RNF157: variants seen among roughly 807,000 people sequenced by gnomAD.
RNF157 encodes E3 ubiquitin ligase RNF157.
RNF157 carries 55 observed loss-of-function variants against 88.3 expected under a neutral mutation model. That is an observed-to-expected ratio of 0.62 (90% confidence interval 0.50 to 0.78). RNF157 has a LOEUF of 0.78. RNF157 is among the 30% of genes least tolerant of loss of function. The pLI, the probability that RNF157 is intolerant of heterozygous loss-of-function variation, is 0.00. For synonymous variants in RNF157, 334 were observed against 341.2 expected (o/e 0.98, Z 0.23); for missense variants, 788 against 860.8 (o/e 0.92, Z 1.06).
rs947840506 is a variant in RNF157, at chr17:76,158,633, T to C, written c.1305-132A>G. 2.3e-5 allele frequency: 15 copies of C among 640,448 alleles called. No individual in the cohort carries two copies. In the South Asian group the frequency reaches 2.4e-4, roughly 10 times the overall value. The allele number at this position is 640,448 out of a possible 1,614,324, so 39.7% of individuals were successfully genotyped here. A position where few individuals can be genotyped will look rare whatever the true frequency, so the allele number is the denominator to read the frequency against. On this transcript the variant is annotated intron_variant, in intron 12 of 18. Transcript: ENST00000269391. ...TTTTTTGAGACAGCATCTCATTATG[T>C]TTCCCAGGCTGGGCTGGGACTCCTG...
At chr17:76,201,323 CAAAA>C (rs780243656) in intron 2 of RNF157, among the ~76,000 whole-genome samples, 6 of 59,664 alleles carry the variant, frequency 1.0e-4, no homozygotes, top group African/African-American at 2.2e-4. Flanking sequence ...CTAGTCTCTA[CAAAA>C]AAAAAAAAAA....
intron 2 of RNF157, among the ~76,000 whole-genome samples, chr17:76,204,804 A>T (rs1281854078): frequency 1.4e-5 from 2 of 143,854 alleles, no homozygotes; most frequent in Admixed American, 7.0e-5. Flanking sequence ...TTTGAGACTG[A>T]GTCTCACTCT....
In RNF157 at chr17:76,157,286, C is replaced by T. The variant is rs1178425895; in HGVS notation, c.1414-965G>A. Among the ~76,000 whole-genome samples, 3 of 152,222 alleles carry T rather than the reference C, an allele frequency of 2.0e-5. No individual in the cohort carries two copies. The highest frequency in any genetic ancestry group is 2.0e-4 in the Admixed American group (3 of 15,286). The stretch of plus-strand genomic sequence containing the variant: ...CGGCCAGTCACACAGTCCTTCTTGC[C>T]TGGGCTACTGAAACCCTCTCCTGGC... On this transcript the variant is annotated intron_variant, in intron 13 of 18. Coordinates refer to ENST00000269391, the MANE Select transcript of RNF157 (RefSeq NM_052916.3). The surrounding 1 kb of genome is among the most constrained non-coding windows in gnomAD (Gnocchi z 5.6).
Position 76,167,760 on chromosome 17 carries a change from T to G in RNF157, c.334A>C (p.Ser112Arg). 4 of 1,614,192 alleles carry G rather than the reference T, an allele frequency of 2.5e-6. No homozygotes were observed. The highest frequency in any genetic ancestry group is 3.4e-6 in the Non-Finnish European group (4 of 1,179,990). Residue 112 changes from serine (S) to arginine (R), a missense_variant, in exon 4 of 19, where the codon AGT becomes CGT. Transcript: ENST00000269391. ...ACATTGTAGTGGACTTTAGCTTTACTGGCCTCTTCTCCAGGGCTCTTCACT... is the reference window on the plus strand; with the variant it reads ...ACATTGTAGTGGACTTTAGCTTTACGGGCCTCTTCTCCAGGGCTCTTCACT... ...EEVKSPGEEA[S>R]KAKVHYNVEF...
intron 2 of RNF157, among the ~76,000 whole-genome samples, chr17:76,205,084 G>A (rs1240812908): frequency 6.6e-6 from 1 of 150,782 alleles, no homozygotes; most frequent in Non-Finnish European, 1.5e-5. Flanking sequence ...ACCATGCCCA[G>A]TCTCCTTCCT....
intron 2 of RNF157, among the ~76,000 whole-genome samples, chr17:76,181,418 C>CA (rs1361580396): frequency 6.6e-6 from 1 of 152,120 alleles, no homozygotes; most frequent in Non-Finnish European, 1.5e-5. Context: ...CACAGTATGA[C>CA]AAAATCTTTG....
rs183159664 is a variant in RNF157 at position 76,185,867 on chromosome 17, A to G, written c.208-12077T>C. 2.1e-3 allele frequency among the ~76,000 whole-genome samples: 319 copies of G among 152,280 alleles called. 1 individual carries two copies. The highest frequency in any genetic ancestry group is 7.1e-3 in the African/African-American group (294 of 41,556). On this transcript the variant is annotated intron_variant, in intron 2 of 18. Transcript: ENST00000269391. ...TAAACCAGCTCACAAATTAGAATAC[A>G]CTTTTAAGCAGCAGGTTTTGAGATG...
At chr17:76,166,597 G>T in intron 5 of RNF157, 70 bp from the exon 6 acceptor site, 1 of 1,232,996 alleles carries the variant, frequency 8.1e-7, no homozygotes, top group Non-Finnish European at 1.2e-6. Context: ...GCTAATCTCA[G>T]AAAGGGCGAT....
intron 1 of RNF157, among the ~76,000 whole-genome samples, chr17:76,233,456 C>T (rs955377631): frequency 4.6e-5 from 7 of 152,154 alleles, no homozygotes; most frequent in African/African-American, 1.2e-4. Context: ...AAGAACTCTT[C>T]GCCCAATCCA....
rs2069467339 is a variant in RNF157 at position 76,195,741 on chromosome 17, C to T, written c.207+16623G>A. On this transcript the variant is annotated intron_variant, in intron 2 of 18. Coordinates refer to ENST00000269391, the MANE Select transcript of RNF157 (RefSeq NM_052916.3). The surrounding 1 kb of genome is among the most constrained non-coding windows in gnomAD (Gnocchi z 4.4). The stretch of plus-strand genomic sequence containing the variant: ...TAGTTTGTTCCTTCTCGTTGCTGTA[C>T]GCCATTGAGGTAGGATGTAGGACTT... Among the ~76,000 whole-genome samples the T allele has an allele frequency of 6.6e-6, 1 of 152,146 alleles. No homozygotes were observed. The highest frequency in any genetic ancestry group is 2.4e-5 in the African/African-American group (1 of 41,414).
chr17:76,144,232 GT>G lies in RNF157; in HGVS notation c.*1002del, dbSNP rs2068551880. ...TCTTGAAATGTCACCTTAGGATGGA[GT>G]TGCAGGCCTCCCTGAATGCACCTGA... On this transcript the variant is annotated 3_prime_UTR_variant, in exon 19 of 19. Coordinates refer to ENST00000269391, the MANE Select transcript of RNF157 (RefSeq NM_052916.3). The G allele has an allele frequency of 1.3e-5, 2 of 152,146 alleles. No homozygotes were observed. Among genetic ancestry groups the G allele is most frequent in the Non-Finnish European group, 2.9e-5 (2 of 68,034 alleles). 9.4% of individuals were successfully genotyped at this position (152,146 alleles called of 1,614,324 possible).
chr17:76,232,447 T>C (rs1044864447), intron 1 of RNF157, among the ~76,000 whole-genome samples: 2 of 152,178 alleles, frequency 1.3e-5, no homozygotes, highest in Non-Finnish European at 2.9e-5. Context: ...TGTTTCATTA[T>C]ATGACTGTAC....
At chr17:76,231,958 GCTT>G (rs2070199784) in intron 1 of RNF157, among the ~76,000 whole-genome samples, 1 of 152,098 alleles carries the variant, frequency 6.6e-6, no homozygotes, top group Admixed American at 6.5e-5. Flanking sequence ...CTATAAATGT[GCTT>G]CTTCTAGCCA....
chr17:76,232,519 C>T (rs1486212631), intron 1 of RNF157, among the ~76,000 whole-genome samples: 1 of 152,108 alleles, frequency 6.6e-6, no homozygotes, highest in Non-Finnish European at 1.5e-5. Context: ...TGGATTATTT[C>T]CAGTTTCTTG....
intron 1 of RNF157, among the ~76,000 whole-genome samples, chr17:76,220,658 T>A (rs8068624): frequency 0.36 from 54,323 of 151,536 alleles, 9,943 homozygotes; most frequent in East Asian, 0.52. Flanking sequence ...ATTTATTATT[T>A]TTTTTTTTTT....
chr17:76,150,485 C>A (rs1206803711), intron 18 of RNF157, among the ~76,000 whole-genome samples: 1 of 152,144 alleles, frequency 6.6e-6, no homozygotes, highest in African/African-American at 2.4e-5. Context: ...AAACAACTCC[C>A]AGCAGCTCCC....
At chr17:76,156,449 C>T in intron 13 of RNF157, 128 bp from the exon 14 acceptor site, 2 of 1,480,880 alleles carry the variant, frequency 1.4e-6, no homozygotes, top group Admixed American at 2.6e-5. Context: ...GACTGAGTGG[C>T]ATGCAGAGGC....
intron 1 of RNF157, among the ~76,000 whole-genome samples, chr17:76,239,666 G>A (rs911981918): frequency 2.6e-5 from 4 of 151,926 alleles, no homozygotes; most frequent in African/African-American, 9.7e-5. Flanking sequence ...AACCTTTCCA[G>A]AGGCCAGGAG....
At chr17:76,220,750 G>T (rs963770128) in intron 1 of RNF157, among the ~76,000 whole-genome samples, 1 of 152,090 alleles carries the variant, frequency 6.6e-6, no homozygotes, top group African/African-American at 2.4e-5. Context: ...ACGAGGTCAG[G>T]AGTTTGACAC....
Sources: gnomAD v4.1 joint callset for allele counts (sites outside exome capture counted in the v4.1 genomes callset) on GRCh38, gnomAD v4.1.1 for gene constraint, Gnocchi (gnomAD v3.1) non-coding constraint, MANE v1.5 for transcripts, NCBI Gene and HGNC (gene_info 2026-07-23, HGNC 2026-07-21) for gene names.